MTCH1: variants seen among roughly 807,000 people sequenced by gnomAD.
MTCH1 encodes the protein mitochondrial carrier 1.
MTCH1 carries 23 observed loss-of-function variants against 49.3 expected under a neutral mutation model. That is an observed-to-expected ratio of 0.47 (90% confidence interval 0.34 to 0.66). The LOEUF (loss-of-function observed/expected upper bound fraction) is 0.66, where lower values mean the gene tolerates loss of function less well. Ranked by LOEUF, MTCH1 falls within the 30% of genes least tolerant of loss-of-function variation. MTCH1 has a pLI of 0.01. For missense variants in MTCH1, 397 were observed against 532.1 expected (o/e 0.75, Z 2.50); for synonymous variants, 229 against 215.2 (o/e 1.06, Z -0.56).
At chr6:36,976,801 C>A (rs925345094) in intron 6 of MTCH1, among the ~76,000 whole-genome samples, 4 of 152,176 alleles carry the variant, frequency 2.6e-5, no homozygotes, top group Non-Finnish European at 5.9e-5. Flanking sequence ...GGGTGGATGG[C>A]TTCTTCATAG....
intron 11 of MTCH1, chr6:36,969,499 C>G: frequency 9.3e-7 from 1 of 1,080,912 alleles, no homozygotes; most frequent in African/African-American, 1.7e-5. Context: ...CCAAGAGCTC[C>G]AGCTACGGAG....
At chr6:36,981,126 A>C (rs1764069824) in intron 2 of MTCH1, among the ~76,000 whole-genome samples, 1 of 152,174 alleles carries the variant, frequency 6.6e-6, no homozygotes. Context: ...AGCACCACTC[A>C]CTGCCTGAGG....
chr6:36,982,866 T>C lies in MTCH1; in HGVS notation c.322-1194A>G, dbSNP rs1300750750. On this transcript the variant is annotated intron_variant, in intron 1 of 11. Transcript: ENST00000373627. The surrounding 1 kb of genome is among the most constrained non-coding windows in gnomAD (Gnocchi z 4.1). ...TTCCTCCCTTGGCAAGGGGCCAGGA[T>C]ACCAGCCCTGTGCCCTCTAAGCAGG... Among the ~76,000 whole-genome samples, 3 of 152,212 alleles carry C rather than the reference T, an allele frequency of 2.0e-5. No individual in the cohort carries two copies. The highest frequency in any genetic ancestry group is 7.2e-5 in the African/African-American group (3 of 41,452).
chr6:36,977,287 G>A lies in MTCH1; in HGVS notation c.650-37C>T, dbSNP rs1342989336. ...AAAGAAAACACACACAGGTGATGTG[G>A]TGGGCCACACTTCATAATGCTCCAG... On this transcript the variant is annotated intron_variant, in intron 5 of 11. Transcript: ENST00000373627. This position sits in a 1 kb window ranked among gnomAD's most constrained non-coding sequence, Gnocchi z 5.4. 7.5e-6 allele frequency: 12 copies of A among 1,609,386 alleles called. No individual in the cohort carries two copies. Among genetic ancestry groups the A allele is most frequent in the Non-Finnish European group, 9.3e-6 (11 of 1,177,196 alleles).
intron 2 of MTCH1, among the ~76,000 whole-genome samples, chr6:36,981,144 G>A (rs1764070413): frequency 6.6e-6 from 1 of 152,152 alleles, no homozygotes; most frequent in Non-Finnish European, 1.5e-5. Context: ...AGGAATGCAG[G>A]GGAAACAAGA....
At chr6:36,978,429 G>A in intron 3 of MTCH1, 76 bp downstream of exon 3, 1 of 1,441,694 alleles carries the variant, frequency 6.9e-7, no homozygotes, top group South Asian at 1.2e-5. Context: ...CAAGACCAGG[G>A]TAACTGGCTG....
rs201692161 is a variant in MTCH1 at position 36,977,257 on chromosome 6, A to C, written c.650-7T>G. Reference sequence around the variant, plus strand: ...ATGCAGCGCATTGAGATGACTGAGGAAAAAAAAGAAAACACACACAGGTGA... The same window carrying C: ...ATGCAGCGCATTGAGATGACTGAGGCAAAAAAAGAAAACACACACAGGTGA... On this transcript the variant is annotated splice_region_variant and splice_polypyrimidine_tract_variant and intron_variant, in intron 5 of 11. Coordinates refer to ENST00000373627, the MANE Select transcript of MTCH1 (RefSeq NM_001271641.2). The surrounding 1 kb of genome is among the most constrained non-coding windows in gnomAD (Gnocchi z 5.4). The C allele has an allele frequency of 3.1e-6, 5 of 1,613,128 alleles. No homozygotes were observed. The highest frequency in any genetic ancestry group is 4.2e-6 in the Non-Finnish European group (5 of 1,179,566).
chr6:36,986,329 G>A, upstream of MTCH1: 1 of 652,778 alleles, frequency 1.5e-6, no homozygotes, highest in East Asian at 3.8e-5. Context: ...TCCCCGGCCG[G>A]TTGGAGGCCT....
rs1177582446 is a variant in MTCH1 at position 36,985,902 on chromosome 6, C to T, written c.272G>A (p.Gly91Asp). 6.4e-7 allele frequency: 1 copy of T among 1,558,356 alleles called. No individual in the cohort carries two copies. Among genetic ancestry groups the T allele is most frequent in the Non-Finnish European group, 8.7e-7 (1 of 1,151,124 alleles). ...CAGGGGATGGCTGAGCGCCGTCACG[C>T]CCGCGCCCAGTGCCACGAAAAGAGC... ...TEALFVALGA[G>D]VTALSHPLLY... Residue 91 changes from glycine to aspartate, a missense_variant, in exon 1 of 12, where the codon GGC becomes GAC. Coordinates refer to ENST00000373627, the MANE Select transcript of MTCH1 (RefSeq NM_001271641.2).
chr6:36,979,404 G>A (rs1362514401), intron 2 of MTCH1, among the ~76,000 whole-genome samples: 1 of 152,166 alleles, frequency 6.6e-6, no homozygotes, highest in Non-Finnish European at 1.5e-5. Context: ...ATGGCAGGGT[G>A]GTATTTTTAT....
At chr6:36,970,521 G>A (rs777982185) in intron 9 of MTCH1, 48 bp from the exon 10 acceptor site, 2 of 1,610,310 alleles carry the variant, frequency 1.2e-6, no homozygotes, top group Non-Finnish European at 1.7e-6. Context: ...CCGGCCCAGG[G>A]AGCAGGGACA....
intron 8 of MTCH1, chr6:36,971,030 C>T (rs573289062): frequency 2.9e-4 from 111 of 383,690 alleles, no homozygotes; most frequent in African/African-American, 2.2e-3. Flanking sequence ...CAGACATGCA[C>T]CCTGAAACCC....
chr6:36,977,514 C>G lies in MTCH1; in HGVS notation c.649+120G>C. 1.3e-6 allele frequency: 1 copy of G among 746,926 alleles called. No individual in the cohort carries two copies. The allele number at this position is 746,926 out of a possible 1,614,324, so 46.3% of individuals were successfully genotyped here. A position where few individuals can be genotyped will look rare whatever the true frequency, so the allele number is the denominator to read the frequency against. On this transcript the variant is annotated intron_variant, in intron 5 of 11. Coordinates refer to ENST00000373627, the MANE Select transcript of MTCH1 (RefSeq NM_001271641.2). This position sits in a 1 kb window ranked among gnomAD's most constrained non-coding sequence, Gnocchi z 5.4. ...TGGGTTCCAGTAGAATACCCCCAAC[C>G]CCACTACCACTTCCCAACAGGTCTA...
chr6:36,985,606 C>T (rs927184473), intron 1 of MTCH1, among the ~76,000 whole-genome samples: 5 of 152,106 alleles, frequency 3.3e-5, no homozygotes, highest in African/African-American at 1.2e-4. Context: ...GTTCCTTCCA[C>T]CCTCTCCCGT....
At position 36,968,773 on chromosome 6, in the gene MTCH1, G is replaced by A. The variant is rs537092263; in HGVS notation, c.*130C>T. On this transcript the variant is annotated 3_prime_UTR_variant, in exon 12 of 12. Transcript: ENST00000373627. ...TCTGGACAGACACATGGCAAATATG[G>A]AACTGAAGCCCGGCTGGGCTGGAGC... is the stretch of plus-strand genomic sequence containing the variant. 2.1e-6 allele frequency: 3 copies of A among 1,405,114 alleles called. No individual in the cohort carries two copies. The highest frequency in any genetic ancestry group is 2.4e-5 in the South Asian group (2 of 82,368). The allele number at this position is 1,405,114 out of a possible 1,614,324, so 87.0% of individuals were successfully genotyped here.
intron 3 of MTCH1, 136 bp downstream of exon 3, chr6:36,978,369 C>T: frequency 4.3e-6 from 4 of 932,732 alleles, no homozygotes; most frequent in Non-Finnish European, 6.5e-6. Flanking sequence ...GGGGTGGGAG[C>T]TCCCCCATGG....
chr6:36,985,833 C>G lies in MTCH1; in HGVS notation c.321+20G>C, dbSNP rs1764286040. The G allele has an allele frequency of 1.3e-6, 2 of 1,548,686 alleles. No homozygotes were observed. Among genetic ancestry groups the G allele is most frequent in the African/African-American group, 1.4e-5 (1 of 73,142 alleles). ...TTCACATCAGCCTCCCATCTCCCTA[C>G]GGCGCCTCTGGTCCCCCACCTGGAT... On this transcript the variant is annotated intron_variant, in intron 1 of 11. Coordinates refer to ENST00000373627, the MANE Select transcript of MTCH1 (RefSeq NM_001271641.2).
In MTCH1 at chr6:36,968,303, G is replaced by A. The variant is rs1583244101; in HGVS notation, c.*600C>T. The A allele has an allele frequency of 1.4e-5, 3 of 220,120 alleles. No individual in the cohort carries two copies. The South Asian group carries it at 2.0e-4, about 15-fold the overall frequency. 13.6% of individuals were successfully genotyped at this position (220,120 alleles called of 1,614,324 possible). On this transcript the variant is annotated 3_prime_UTR_variant, in exon 12 of 12. Transcript: ENST00000373627. ...CGAGGCATCACCATTAAACAGATGA[G>A]CATTAGATGAGGAGGACACATTCTG...
At chr6:36,970,356 A>AC (rs1763636543) in intron 10 of MTCH1, 50 bp downstream of exon 10, 3 of 1,607,250 alleles carry the variant, frequency 1.9e-6, no homozygotes, top group Non-Finnish European at 2.6e-6. Context: ...GGTCTCCCCC[A>AC]CCCCACAGCC....
Sources: allele counts gnomAD v4.1 joint callset (sites outside exome capture counted in the v4.1 genomes callset), GRCh38; gene constraint gnomAD v4.1.1; non-coding constraint Gnocchi (gnomAD v3.1); transcripts MANE v1.5; gene names NCBI Gene and HGNC (gene_info 2026-07-23, HGNC 2026-07-21).